Variants in PDE7B observed in about 807,000 individuals in gnomAD.
PDE7B encodes the protein phosphodiesterase 7B.
PDE7B carries 29 observed loss-of-function variants against 56.2 expected under a neutral mutation model. The ratio of observed to expected loss-of-function variants is 0.52; its 90% confidence interval spans 0.38 to 0.70. PDE7B has a LOEUF of 0.70. Ranked by LOEUF, PDE7B falls within the 30% of genes least tolerant of loss-of-function variation. The pLI is 0.00. For missense variants in PDE7B, 490 were observed against 565.0 expected, an observed-to-expected ratio of 0.87 and a Z score of 1.35; for synonymous variants, 197 against 196.9, an observed-to-expected ratio of 1.00 and a Z score of 0.00.
rs1038778468 is a variant in PDE7B at position 136,037,708 on chromosome 6, G to A, written c.83-71023G>A. 1.1e-5 allele frequency: 11 copies of A among 985,130 alleles called. No individual in the cohort carries two copies. In the South Asian group the frequency reaches 1.4e-4, roughly 13 times the overall value. 61.0% of individuals were successfully genotyped at this position (985,130 alleles called of 1,614,324 possible). The stretch of plus-strand genomic sequence containing the variant: ...CCTCCAGATAACTGGCCTCCAGCAA[G>A]GGGGGAGCCCCTCTGTGAGGTTAGC... On this transcript the variant is annotated intron_variant, in intron 2 of 12. Transcript: ENST00000308191.
intron 1 of PDE7B, among the ~76,000 whole-genome samples, chr6:135,946,338 T>C (rs1774595648): frequency 6.6e-6 from 1 of 151,828 alleles, no homozygotes; most frequent in Non-Finnish European, 1.5e-5. Context: ...TGTTGTGTAG[T>C]ATTCCACTTA....
At chr6:136,110,092 C>T (rs921337272) in intron 3 of PDE7B, among the ~76,000 whole-genome samples, 1 of 152,114 alleles carries the variant, frequency 6.6e-6, no homozygotes, top group Non-Finnish European at 1.5e-5. Flanking sequence ...TTGTTAATCT[C>T]CCATATCAAT....
At chr6:135,978,228 G>C (rs1472993981) in intron 2 of PDE7B, among the ~76,000 whole-genome samples, 1 of 152,122 alleles carries the variant, frequency 6.6e-6, no homozygotes, top group Non-Finnish European at 1.5e-5. Flanking sequence ...GTAGGCAATT[G>C]TAATATAGTG....
At chr6:135,973,013 ATGT>A (rs750196529) in intron 2 of PDE7B, among the ~76,000 whole-genome samples, 12 of 152,156 alleles carry the variant, frequency 7.9e-5, no homozygotes, top group Non-Finnish European at 1.3e-4. Context: ...CTTTTAACAA[ATGT>A]TTGAGTGTAT....
At chr6:136,136,648 T>C (rs1420878923) in intron 3 of PDE7B, among the ~76,000 whole-genome samples, 2 of 151,832 alleles carry the variant, frequency 1.3e-5, no homozygotes, top group African/African-American at 4.8e-5. Flanking sequence ...ACACATTGCA[T>C]GCCCGTTATC....
chr6:136,172,515 T>C (rs144574857), intron 8 of PDE7B, among the ~76,000 whole-genome samples: 4,102 of 152,250 alleles, frequency 0.027, 168 homozygotes, highest in African/African-American at 0.093. Flanking sequence ...TTTGAGTTCA[T>C]TGTAGATTCT....
chr6:136,053,813 T>G (rs1562481065), intron 2 of PDE7B, among the ~76,000 whole-genome samples: 1 of 152,212 alleles, frequency 6.6e-6, no homozygotes, highest in Non-Finnish European at 1.5e-5. Flanking sequence ...TGGCCAGTGA[T>G]GATGAGCATT....
chr6:136,029,468 A>G (rs1311035404), intron 2 of PDE7B, among the ~76,000 whole-genome samples: 2 of 152,210 alleles, frequency 1.3e-5, no homozygotes. Flanking sequence ...TAAGTGGACA[A>G]AAGAATGTTA....
chr6:136,022,185 A>G (rs1251438753), intron 2 of PDE7B, among the ~76,000 whole-genome samples: 2 of 152,140 alleles, frequency 1.3e-5, no homozygotes, highest in Non-Finnish European at 2.9e-5. Flanking sequence ...TTGACCATAC[A>G]ATTAAATTAG....
At chr6:135,935,217 T>TATA (rs1554268029) in intron 1 of PDE7B, among the ~76,000 whole-genome samples, 1 of 91,178 alleles carries the variant, frequency 1.1e-5, no homozygotes, top group Admixed American at 1.5e-4. Flanking sequence ...TATATATATA[T>TATA]TTTCATGATT....
chr6:135,872,443 A>G (rs1187114858), intron 1 of PDE7B, among the ~76,000 whole-genome samples: 3 of 152,186 alleles, frequency 2.0e-5, no homozygotes, highest in Admixed American at 6.5e-5. Context: ...TGCAAAAAAA[A>G]TCATACAGAA....
intron 2 of PDE7B, among the ~76,000 whole-genome samples, chr6:136,085,291 T>A (rs1331706772): frequency 6.6e-6 from 1 of 152,252 alleles, no homozygotes; most frequent in Non-Finnish European, 1.5e-5. Context: ...CAATGTTTCC[T>A]GCCGAATCAC....
chr6:136,005,762 C>T (rs1178500514), intron 2 of PDE7B, among the ~76,000 whole-genome samples: 2 of 152,118 alleles, frequency 1.3e-5, no homozygotes, highest in South Asian at 4.2e-4. Flanking sequence ...TGGTGGGACT[C>T]TAAACTAGTT....
At chr6:136,113,435 A>G (rs1459960471) in intron 3 of PDE7B, among the ~76,000 whole-genome samples, 1 of 152,232 alleles carries the variant, frequency 6.6e-6, no homozygotes, top group Admixed American at 6.5e-5. Flanking sequence ...CACAATTTAG[A>G]AGAGAGTCAT....
intron 2 of PDE7B, among the ~76,000 whole-genome samples, chr6:136,004,302 A>G (rs964574061): frequency 6.6e-6 from 1 of 152,206 alleles, no homozygotes; most frequent in Admixed American, 6.5e-5. Flanking sequence ...CAAGACAGGG[A>G]TGCCCTCTCT....
intron 2 of PDE7B, among the ~76,000 whole-genome samples, chr6:136,050,835 G>A (rs1226883847): frequency 6.6e-6 from 1 of 152,094 alleles, no homozygotes; most frequent in East Asian, 1.9e-4. Flanking sequence ...GGTGTTTGTA[G>A]CCCCGAAGGA....
intron 2 of PDE7B, among the ~76,000 whole-genome samples, chr6:135,966,542 A>G (rs1248094050): frequency 6.6e-6 from 1 of 152,104 alleles, no homozygotes; most frequent in Non-Finnish European, 1.5e-5. Context: ...GGTGCCATTG[A>G]CCTAGGCTAG....
At chr6:136,153,525 G>A (rs1388342795) in intron 6 of PDE7B, among the ~76,000 whole-genome samples, 1 of 152,130 alleles carries the variant, frequency 6.6e-6, no homozygotes, top group Non-Finnish European at 1.5e-5. Flanking sequence ...CTTGAATAAG[G>A]TAGAAATAAA....
chr6:135,899,323 G>A (rs866603241), intron 1 of PDE7B, among the ~76,000 whole-genome samples: 3 of 151,340 alleles, frequency 2.0e-5, no homozygotes, highest in African/African-American at 7.3e-5. Flanking sequence ...CTGAAACCTG[G>A]GTAATGTCTA....
Sources: gnomAD v4.1 joint callset for allele counts (sites outside exome capture counted in the v4.1 genomes callset) on GRCh38, gnomAD v4.1.1 for gene constraint, MANE v1.5 for transcripts, NCBI Gene and HGNC (gene_info 2026-07-23, HGNC 2026-07-21) for gene names.